The following CDH13 variants were observed in gnomAD, a reference collection of about 807,000 sequenced individuals.
CDH13 encodes the protein cadherin 13.
A neutral mutation model predicts 63.8 loss-of-function variants in CDH13; 24 were observed. The observed-to-expected ratio is 0.38, with a 90% CI of 0.27 to 0.53. The LOEUF is 0.53. CDH13 is among the 20% of genes least tolerant of loss of function. The pLI is 0.85. For missense variants in CDH13, 1,049 were observed against 903.1 expected, an observed-to-expected ratio of 1.16 and a Z score of -2.07; for synonymous variants, 503 against 355.3, an observed-to-expected ratio of 1.42 and a Z score of -4.67.
At chr16:83,479,500 C>CA (rs1180588133) in intron 6 of CDH13, among the ~76,000 whole-genome samples, 1 of 151,926 alleles carries the variant, frequency 6.6e-6, no homozygotes, top group African/African-American at 2.4e-5. Flanking sequence ...ACTAAAAATA[C>CA]AAAAAAATTA....
intron 7 of CDH13, among the ~76,000 whole-genome samples, chr16:83,520,759 G>C (rs1033090923): frequency 6.6e-6 from 1 of 152,150 alleles, no homozygotes; most frequent in Non-Finnish European, 1.5e-5. Context: ...ACAGGACGTG[G>C]CTAGCTTTTC....
At chr16:83,499,797 C>A (rs144564127) in intron 7 of CDH13, among the ~76,000 whole-genome samples, 1 of 99,660 alleles carries the variant, frequency 1.0e-5, no homozygotes, top group African/African-American at 3.8e-5. Flanking sequence ...TTTAGAAAAC[C>A]AATTCTGTTA....
chr16:83,121,187 A>G (rs1410710779), intron 3 of CDH13, among the ~76,000 whole-genome samples: 1 of 152,078 alleles, frequency 6.6e-6, no homozygotes, highest in Non-Finnish European at 1.5e-5. Context: ...CTGCATATTG[A>G]GTCCTTTTCA....
chr16:82,648,984 A>T (rs1313321320), intron 1 of CDH13, among the ~76,000 whole-genome samples: 4 of 152,128 alleles, frequency 2.6e-5, no homozygotes, highest in African/African-American at 9.7e-5. Context: ...TTGATCATGA[A>T]TGAGATGATG....
chr16:83,255,065 G>A lies in CDH13; in HGVS notation c.636+37568G>A, dbSNP rs146275565. Among the ~76,000 whole-genome samples, 44 of 138,360 alleles carry A rather than the reference G, an allele frequency of 3.2e-4. No individual in the cohort carries two copies. In the East Asian group the frequency reaches 9.0e-3, roughly 28 times the overall value. 90.8% of individuals were successfully genotyped at this position (138,360 alleles called of 152,430 possible). On this transcript the variant is annotated intron_variant, in intron 5 of 13. Coordinates refer to ENST00000567109, the MANE Select transcript of CDH13 (RefSeq NM_001257.5). The stretch of plus-strand genomic sequence containing the variant: ...GCATTTTGAAGCTTCTTTGCCCAAG[G>A]TGTCTGTGACAGATGGCTCGTGAAG...
At chr16:82,885,254 A>G (rs1312529468) in intron 2 of CDH13, among the ~76,000 whole-genome samples, 1 of 152,240 alleles carries the variant, frequency 6.6e-6, no homozygotes, top group African/African-American at 2.4e-5. Context: ...TACAAAAACA[A>G]AACATTTTAG....
At chr16:83,588,017 C>T (rs1743572647) in intron 7 of CDH13, among the ~76,000 whole-genome samples, 1 of 151,330 alleles carries the variant, frequency 6.6e-6, no homozygotes, top group South Asian at 2.1e-4. Context: ...CATACCATAA[C>T]ATCCCTCCTT....
rs144817307 is a variant in CDH13 at position 82,986,238 on chromosome 16, G to C, written c.158-45772G>C. ...TAGGATGCTGTGAATTTTCATATTG[G>C]TACGTCTGAGCCTGAGTAACACTTG... is the stretch of plus-strand genomic sequence containing the variant. On this transcript the variant is annotated intron_variant, in intron 2 of 13. Transcript: ENST00000567109. 2.6e-4 allele frequency among the ~76,000 whole-genome samples: 40 copies of C among 152,262 alleles called. No individual in the cohort carries two copies. In the East Asian group the frequency reaches 6.2e-3, roughly 24 times the overall value.
At chr16:83,438,559 T>G (rs1375146850) in intron 6 of CDH13, among the ~76,000 whole-genome samples, 1 of 152,242 alleles carries the variant, frequency 6.6e-6, no homozygotes, top group Non-Finnish European at 1.5e-5. Context: ...GCTGCTAAAT[T>G]CAGTCATTCA....
At chr16:82,892,420 A>C (rs538756110) in intron 2 of CDH13, among the ~76,000 whole-genome samples, 183 of 152,314 alleles carry the variant, frequency 1.2e-3, no homozygotes, top group Non-Finnish European at 2.0e-3. Flanking sequence ...TTCATGGACA[A>C]AGATTTTCCT....
At chr16:82,684,871 G>C (rs1467100756) in intron 1 of CDH13, among the ~76,000 whole-genome samples, 1 of 152,238 alleles carries the variant, frequency 6.6e-6, no homozygotes. Flanking sequence ...AGGAAGATAA[G>C]GGTGGAGGAC....
chr16:82,654,903 A>G (rs1911128989), intron 1 of CDH13, among the ~76,000 whole-genome samples: 1 of 152,136 alleles, frequency 6.6e-6, no homozygotes, highest in South Asian at 2.1e-4. Context: ...ACTGAGGTAG[A>G]TGGAGTGACT....
At chr16:82,910,344 G>C (rs2041790479) in intron 2 of CDH13, among the ~76,000 whole-genome samples, 1 of 152,184 alleles carries the variant, frequency 6.6e-6, no homozygotes, top group African/African-American at 2.4e-5. Flanking sequence ...CATTTCTCCA[G>C]TAATGAATGT....
chr16:82,910,163 CCTG>C (rs1365770924), intron 2 of CDH13, among the ~76,000 whole-genome samples: 1 of 152,198 alleles, frequency 6.6e-6, no homozygotes, highest in East Asian at 1.9e-4. Context: ...TCATCAGAAT[CCTG>C]CTGCTGACCT....
intron 6 of CDH13, among the ~76,000 whole-genome samples, chr16:83,485,369 A>G (rs575362653): frequency 4.6e-5 from 7 of 152,290 alleles, no homozygotes; most frequent in African/African-American, 1.7e-4. Context: ...AGGGAGACCC[A>G]TTATCTGACA....
At chr16:83,184,007 C>G (rs1473926429) in intron 4 of CDH13, among the ~76,000 whole-genome samples, 1 of 151,500 alleles carries the variant, frequency 6.6e-6, no homozygotes, top group Non-Finnish European at 1.5e-5. Context: ...ACATCTAAGC[C>G]ATAGCACTGA....
At chr16:83,230,329 C>T (rs1406414092) in intron 5 of CDH13, among the ~76,000 whole-genome samples, 1 of 152,042 alleles carries the variant, frequency 6.6e-6, no homozygotes, top group Non-Finnish European at 1.5e-5. Flanking sequence ...GATGTGTTAA[C>T]CCGGGAAAGC....
chr16:83,020,905 C>A (rs537355763), intron 2 of CDH13, among the ~76,000 whole-genome samples: 26 of 152,306 alleles, frequency 1.7e-4, no homozygotes, highest in Non-Finnish European at 3.1e-4. Flanking sequence ...CTAGACAACC[C>A]CAACTGCAAG....
chr16:83,138,618 G>A (rs928204835), intron 4 of CDH13, among the ~76,000 whole-genome samples: 1 of 152,182 alleles, frequency 6.6e-6, no homozygotes, highest in Non-Finnish European at 1.5e-5. Context: ...TCAAAGGCTG[G>A]AAGAGGAAAA....
Sources: allele counts gnomAD v4.1 joint callset (sites outside exome capture counted in the v4.1 genomes callset), GRCh38; gene constraint gnomAD v4.1.1; transcripts MANE v1.5; gene names NCBI Gene and HGNC (gene_info 2026-07-23, HGNC 2026-07-21).